MYH13: variants seen among roughly 807,000 people sequenced by gnomAD.
The protein encoded by MYH13 is myosin-13.
A neutral mutation model predicts 232.1 loss-of-function variants in MYH13; 177 were observed. The observed-to-expected ratio is 0.76, with a 90% CI of 0.67 to 0.86. MYH13 has a LOEUF of 0.86. Ranked by LOEUF, MYH13 falls within the 40% of genes least tolerant of loss-of-function variation. MYH13 has a pLI of 0.00. For synonymous variants in MYH13, 884 were observed against 923.5 expected (o/e 0.96, Z 0.78); for missense variants, 2,246 against 2,405.9 (o/e 0.93, Z 1.39).
intron 23 of MYH13, among the ~76,000 whole-genome samples, chr17:10,323,800 A>C (rs1194377661): frequency 2.8e-5 from 3 of 106,320 alleles, no homozygotes; most frequent in African/African-American, 3.5e-5. Flanking sequence ...GAAGAAGAAG[A>C]AGAAGAAGAA....
chr17:10,327,775 C>A (rs949108513), intron 22 of MYH13, 91 bp downstream of exon 22: 1 of 1,517,580 alleles, frequency 6.6e-7, no homozygotes, highest in Admixed American at 2.1e-5. Flanking sequence ...CACTGTCTCT[C>A]GAATAGACAC....
intron 15 of MYH13, among the ~76,000 whole-genome samples, chr17:10,344,560 G>C (rs1446462287): frequency 1.3e-5 from 2 of 151,988 alleles, no homozygotes; most frequent in Non-Finnish European, 2.9e-5. Context: ...GTTCACGTCT[G>C]TAATCCCAGT....
Position 10,303,309 on chromosome 17 carries a change from G to A in MYH13, c.5572-18C>T, listed in dbSNP as rs867111476. Reference sequence around the variant, plus strand: ...TCCTCAGCCTGCAAACAGAGTACACGTGGCAGGGGCCCGCAAACCTATGGT... The same window carrying A: ...TCCTCAGCCTGCAAACAGAGTACACATGGCAGGGGCCCGCAAACCTATGGT... On this transcript the variant is annotated intron_variant, in intron 38 of 40. Coordinates refer to ENST00000252172, the MANE Select transcript of MYH13 (RefSeq NM_003802.3). 15 of 1,613,420 alleles carry A rather than the reference G, an allele frequency of 9.3e-6. No individual in the cohort carries two copies. In the Middle Eastern group the frequency reaches 4.9e-4, roughly 53 times the overall value.
intron 27 of MYH13, 117 bp downstream of exon 27, chr17:10,318,673 A>G: frequency 7.5e-7 from 1 of 1,331,918 alleles, no homozygotes; most frequent in Non-Finnish European, 1.0e-6. Flanking sequence ...AGAAATAGGG[A>G]AGAGGGTTTC....
At chr17:10,344,199 A>G (rs2071642400) in intron 15 of MYH13, 90 bp from the exon 16 acceptor site, 1 of 1,516,276 alleles carries the variant, frequency 6.6e-7, no homozygotes, top group Non-Finnish European at 8.8e-7. Flanking sequence ...TGGTGCTTTC[A>G]CTCTGGTACC....
chr17:10,360,530 G>T (rs555102660), intron 5 of MYH13, among the ~76,000 whole-genome samples: 1 of 152,328 alleles, frequency 6.6e-6, no homozygotes, highest in Admixed American at 6.5e-5. Flanking sequence ...TTCAGAGCTT[G>T]TGGGGCCACA....
In MYH13 at chr17:10,306,947, TG is replaced by T. The variant is rs750858814; in HGVS notation, c.5286del (p.Ile1763SerfsTer6). ...SRNAEEKAKK[A>X]ITDAAMMAEE... ...GGAAGAACAGAGCTCACATCCGTGATGGCCTTCTTGGCCTTCTCCTCTGCGT... is the reference window on the plus strand; with the variant it reads ...GGAAGAACAGAGCTCACATCCGTGATGCCTTCTTGGCCTTCTCCTCTGCGT... On this transcript the variant is annotated frameshift_variant, in exon 36 of 41. Transcript: ENST00000252172. LOFTEE classifies it high-confidence loss of function. The surrounding 1 kb of genome is among the most constrained non-coding windows in gnomAD (Gnocchi z 4.3). 6.2e-7 allele frequency: 1 copy of T among 1,613,690 alleles called. No individual in the cohort carries two copies. Among genetic ancestry groups the T allele is most frequent in the Non-Finnish European group, 8.5e-7 (1 of 1,179,940 alleles).
intron 7 of MYH13, among the ~76,000 whole-genome samples, chr17:10,358,296 A>G (rs1021822962): frequency 6.6e-6 from 1 of 152,186 alleles, no homozygotes; most frequent in African/African-American, 2.4e-5. Context: ...TTATGTAGCA[A>G]AAACTTATGA....
At chr17:10,341,732 A>C (rs1198686830) in intron 16 of MYH13, among the ~76,000 whole-genome samples, 1 of 152,138 alleles carries the variant, frequency 6.6e-6, no homozygotes, top group African/African-American at 2.4e-5. Context: ...CTTATGTTAG[A>C]GTTGATGTTA....
intron 21 of MYH13, among the ~76,000 whole-genome samples, chr17:10,328,410 C>T (rs144130450): frequency 6.6e-4 from 100 of 152,338 alleles, no homozygotes; most frequent in African/African-American, 2.0e-3. Flanking sequence ...TGCCTGAGGG[C>T]GTCCGTGACC....
intron 18 of MYH13, among the ~76,000 whole-genome samples, chr17:10,336,825 C>T (rs1023814798): frequency 6.6e-6 from 1 of 152,066 alleles, no homozygotes; most frequent in African/African-American, 2.4e-5. Context: ...GAGGCTCTGG[C>T]CTGTGATTTC....
In MYH13 at chr17:10,361,926, A is replaced by G. The variant is rs539012497; in HGVS notation, c.505+192T>C. 5.3e-5 allele frequency among the ~76,000 whole-genome samples: 8 copies of G among 152,364 alleles called. No homozygotes were observed. The South Asian group carries it at 1.2e-3, about 24-fold the overall frequency. ...GCAAGAGCTCAGTGTAGCTTCAGCC[A>G]TAATCACAGGCCTTGTCATGCACTG... On this transcript the variant is annotated intron_variant, in intron 5 of 40. Coordinates refer to ENST00000252172, the MANE Select transcript of MYH13 (RefSeq NM_003802.3).
rs370401697 is a variant in MYH13 at position 10,321,515 on chromosome 17, T to C, written c.3111+17A>G. 1.9e-6 allele frequency: 3 copies of C among 1,607,048 alleles called. No individual in the cohort carries two copies. Among genetic ancestry groups the C allele is most frequent in the South Asian group, 1.1e-5 (1 of 90,006 alleles). ...ACAAGTGATAAATGCTAAAGCATAG[T>C]AGTAAAATATCCTCACATCATCTGT... On this transcript the variant is annotated intron_variant, in intron 24 of 40. Transcript: ENST00000252172.
chr17:10,350,897 A>G lies in MYH13; in HGVS notation c.1006-203T>C, dbSNP rs74252957. On this transcript the variant is annotated intron_variant, in intron 11 of 40. Coordinates refer to ENST00000252172, the MANE Select transcript of MYH13 (RefSeq NM_003802.3). ...GGTGGGTGAAGACTATGGGAAAAAGATGTGAATTGTCTGTTTCCTTCCATC... is the reference window on the plus strand; with the variant it reads ...GGTGGGTGAAGACTATGGGAAAAAGGTGTGAATTGTCTGTTTCCTTCCATC... 2,428 of 641,432 alleles carry G rather than the reference A, an allele frequency of 3.8e-3. 80 individuals are homozygous for G. In the East Asian group the frequency reaches 0.07, roughly 18 times the overall value. The allele number at this position is 641,432 out of a possible 1,614,324, so 39.7% of individuals were successfully genotyped here. A position where few individuals can be genotyped will look rare whatever the true frequency, so the allele number is the denominator to read the frequency against.
Position 10,345,528 on chromosome 17 carries a change from G to C in MYH13, c.1352C>G (p.Thr451Ser). The C allele has an allele frequency of 3.1e-6, 5 of 1,614,160 alleles. No individual in the cohort carries two copies. The highest frequency in any genetic ancestry group is 4.2e-6 in the Non-Finnish European group (5 of 1,180,034). Reference sequence around the variant, plus strand: ...GATGAAGTACTGCCTGGGCTGCTTGGTGTCCAGCTGCTGGTTGATGCGGGT... The same window carrying C: ...GATGAAGTACTGCCTGGGCTGCTTGCTGTCCAGCTGCTGGTTGATGCGGGT... ...MVTRINQQLD[T>S]KQPRQYFIGV... is the part of the protein sequence containing the mutation. Residue 451 changes from threonine (T) to serine (S), a missense_variant, in exon 14 of 41, where the codon ACC becomes AGC. Thr to Ser is a moderately conservative substitution (Grantham distance 58). Coordinates refer to ENST00000252172, the MANE Select transcript of MYH13 (RefSeq NM_003802.3).
chr17:10,328,264 TC>T, intron 21 of MYH13, 143 bp from the exon 22 acceptor site: 2 of 909,572 alleles, frequency 2.2e-6, no homozygotes, highest in Non-Finnish European at 3.3e-6. Flanking sequence ...ATCCTCTGGA[TC>T]CAGAGTAGGT....
rs1439423275 is a variant in MYH13 at position 10,306,449 on chromosome 17, A to G, written c.5466+10T>C. On this transcript the variant is annotated intron_variant, in intron 37 of 40. Coordinates refer to ENST00000252172, the MANE Select transcript of MYH13 (RefSeq NM_003802.3). This position sits in a 1 kb window ranked among gnomAD's most constrained non-coding sequence, Gnocchi z 4.3. Reference sequence around the variant, plus strand: ...CACTTTCAGAGTAACAGTCCTCTCAAAAACTCTACCCGGTTCTCCAGTTTC... The same window carrying G: ...CACTTTCAGAGTAACAGTCCTCTCAGAAACTCTACCCGGTTCTCCAGTTTC... The G allele has an allele frequency of 6.2e-7, 1 of 1,614,036 alleles. No homozygotes were observed. Among genetic ancestry groups the G allele is most frequent in the South Asian group, 1.1e-5 (1 of 91,062 alleles).
intron 16 of MYH13, among the ~76,000 whole-genome samples, chr17:10,341,962 A>G (rs143894467): frequency 9.8e-5 from 15 of 152,320 alleles, no homozygotes; most frequent in African/African-American, 3.4e-4. Flanking sequence ...TGCATTTAAA[A>G]TGGCATATAA....
intron 32 of MYH13, 145 bp from the exon 33 acceptor site, chr17:10,311,372 G>T: frequency 1.0e-6 from 1 of 977,076 alleles, no homozygotes; most frequent in South Asian, 1.8e-5. Flanking sequence ...TGAGGTGTTG[G>T]CAAGACAGGG....
Sources: gnomAD v4.1 joint callset for allele counts (sites outside exome capture counted in the v4.1 genomes callset) on GRCh38, gnomAD v4.1.1 for gene constraint, Gnocchi (gnomAD v3.1) non-coding constraint, MANE v1.5 for transcripts, NCBI Gene and HGNC (gene_info 2026-07-23, HGNC 2026-07-21) for gene names.